SORBS2: variants seen among roughly 807,000 people sequenced by gnomAD.
The protein encoded by SORBS2 is sorbin and SH3 domain-containing protein 2.
In SORBS2, 46 loss-of-function variants were observed where a neutral mutation model predicts 97.7. The ratio of observed to expected loss-of-function variants is 0.47; its 90% CI spans 0.37 to 0.60. The LOEUF is 0.60. SORBS2 is among the 20% of genes least tolerant of loss of function. The pLI, the probability that SORBS2 is intolerant of heterozygous loss-of-function variation, is 0.00. For missense variants in SORBS2, 1,316 were observed against 1,282.3 expected, an observed-to-expected ratio of 1.03 and a Z score of -0.40; for synonymous variants, 476 against 473.4, an observed-to-expected ratio of 1.01 and a Z score of -0.07.
chr4:185,686,686 A>G (rs557311966), intron 2 of SORBS2, among the ~76,000 whole-genome samples: 116 of 152,362 alleles, frequency 7.6e-4, no homozygotes, highest in African/African-American at 2.3e-3. Context: ...ACATCACTCT[A>G]AGAGTGATTT....
exon 15 of SORBS2, chr4:185,585,551 T>C (rs1215967837): frequency 2.0e-5 from 3 of 152,244 alleles, no homozygotes; most frequent in Admixed American, 2.0e-4. Context: ...TTATTAGATG[T>C]CTATTCAAGA....
upstream of SORBS2, chr4:185,657,360 A>G (rs980829352): frequency 2.1e-6 from 3 of 1,415,782 alleles, no homozygotes; most frequent in South Asian, 4.9e-5. Context: ...AAAGCCGTGG[A>G]CAATCCGTCC....
chr4:185,712,970 C>G (rs1355542728), intron 2 of SORBS2, among the ~76,000 whole-genome samples: 1 of 152,188 alleles, frequency 6.6e-6, no homozygotes, highest in Non-Finnish European at 1.5e-5. Context: ...TATGGTTTTT[C>G]TCCCTTCCTC....
chr4:185,771,371 T>C (rs1166936121), intron 2 of SORBS2: 2 of 152,248 alleles, frequency 1.3e-5, no homozygotes, highest in African/African-American at 4.8e-5. Flanking sequence ...ATATGGTTAG[T>C]GAGAGCTTCC....
chr4:185,834,879 C>T (rs1175188966), intron 1 of SORBS2, among the ~76,000 whole-genome samples: 6 of 152,048 alleles, frequency 3.9e-5, no homozygotes, highest in Non-Finnish European at 5.9e-5. Context: ...AACCAAAAAG[C>T]GTTTCTGATA....
At chr4:185,600,049 C>G (rs575785475) in intron 12 of SORBS2, among the ~76,000 whole-genome samples, 1 of 152,344 alleles carries the variant, frequency 6.6e-6, no homozygotes, top group South Asian at 2.1e-4. Flanking sequence ...TCGCTTTTTA[C>G]GTCAGCCTGG....
rs72707658 is a variant in SORBS2, at chr4:185,870,593, G to A, written c.-338+85603C>T. Among the ~76,000 whole-genome samples the A allele has an allele frequency of 9.3e-3, 1,414 of 152,312 alleles. 9 individuals are homozygous for A. Among genetic ancestry groups the A allele is most frequent in the Admixed American group, 0.014 (216 of 15,298 alleles). ...GCTCGTGTCTGAGGTTGGCACGTTG[G>A]ACGGATGCTGCGCTCGTTCCTCAGG... On this transcript the variant is annotated intron_variant, in intron 1 of 20. Transcript: ENST00000284776.
intron 1 of SORBS2, among the ~76,000 whole-genome samples, chr4:185,900,080 G>A (rs2149827275): frequency 6.6e-6 from 1 of 152,204 alleles, no homozygotes; most frequent in Non-Finnish European, 1.5e-5. Flanking sequence ...TCACACCTGT[G>A]AATAGCCACT....
At chr4:185,869,809 ACT>A (rs2099229403) in intron 1 of SORBS2, among the ~76,000 whole-genome samples, 1 of 152,108 alleles carries the variant, frequency 6.6e-6, no homozygotes. Context: ...TTCTGCTTTG[ACT>A]CTGCAGATTT....
intron 2 of SORBS2, among the ~76,000 whole-genome samples, chr4:185,751,372 G>C (rs78078938): frequency 6.6e-6 from 1 of 151,916 alleles, no homozygotes; most frequent in Non-Finnish European, 1.5e-5. Context: ...GAGACAAAGC[G>C]AGATGAGACA....
At chr4:185,900,708 A>G (rs1453686656) in intron 1 of SORBS2, among the ~76,000 whole-genome samples, 12 of 152,208 alleles carry the variant, frequency 7.9e-5, no homozygotes, top group Admixed American at 7.9e-4. Context: ...GTTGGAAGAA[A>G]CTGCCTACAA....
At chr4:185,603,540 C>T (rs1198524827) in intron 12 of SORBS2, among the ~76,000 whole-genome samples, 3 of 152,172 alleles carry the variant, frequency 2.0e-5, no homozygotes, top group African/African-American at 7.2e-5. Context: ...CTTCCTAATA[C>T]AGAACCTTAG....
At chr4:185,771,125 T>G (rs1374854290) in intron 2 of SORBS2, 1 of 150,980 alleles carries the variant, frequency 6.6e-6, no homozygotes, top group East Asian at 1.9e-4. Context: ...GGATTATAGG[T>G]GTGCACCACC....
At chr4:185,767,313 AC>A (rs1261600678) in intron 2 of SORBS2, among the ~76,000 whole-genome samples, 3 of 84,566 alleles carry the variant, frequency 3.5e-5, no homozygotes, top group Non-Finnish European at 5.4e-5. Flanking sequence ...CCTGGCTAAC[AC>A]ACGGTGAAAC....
intron 1 of SORBS2, among the ~76,000 whole-genome samples, chr4:185,903,427 G>A (rs1358790293): frequency 1.3e-5 from 2 of 152,186 alleles, no homozygotes; most frequent in Non-Finnish European, 1.5e-5. Flanking sequence ...CTTGACATGT[G>A]GATACATGAG....
rs115247297 is a variant in SORBS2 at position 185,911,517 on chromosome 4, G to A, written c.-338+44679C>T. On this transcript the variant is annotated intron_variant, in intron 1 of 20. Coordinates refer to the SORBS2 transcript ENST00000284776. ...TGGGATTATAAGCATGAGCCACCACGCCCAGCCTGATTTTCTCCTTGAGTG... is the reference window on the plus strand; with the variant it reads ...TGGGATTATAAGCATGAGCCACCACACCCAGCCTGATTTTCTCCTTGAGTG... Among the ~76,000 whole-genome samples the A allele has an allele frequency of 8.1e-3, 1,232 of 152,122 alleles. 17 individuals carry two copies. The highest frequency in any genetic ancestry group is 0.028 in the African/African-American group (1,158 of 41,528).
rs974685206 is a variant in SORBS2 at position 185,605,867 on chromosome 4, G to A, written c.2796+5913C>T. ...CTGGAAGTGCTGGCGTTGCAGGCTC[G>A]TTTTTTGTTTTAAGAGAGAGGTTTG... is the stretch of plus-strand genomic sequence containing the variant. On this transcript the variant is annotated intron_variant, in intron 12 of 14. Coordinates refer to ENST00000418609, the Ensembl canonical transcript of SORBS2. 5.9e-5 allele frequency among the ~76,000 whole-genome samples: 9 copies of A among 152,158 alleles called. No homozygotes were observed. The East Asian group carries it at 9.6e-4, about 16-fold the overall frequency.
At chr4:185,861,795 G>A (rs932279990) in intron 1 of SORBS2, among the ~76,000 whole-genome samples, 24 of 151,992 alleles carry the variant, frequency 1.6e-4, no homozygotes, top group African/African-American at 5.8e-4. Flanking sequence ...TAACAGAAAT[G>A]GGGTTTTTGG....
At chr4:185,629,560 A>ATTTTTTTTTTTTTTTT (rs201590422) in intron 5 of SORBS2, among the ~76,000 whole-genome samples, 1 of 134,084 alleles carries the variant, frequency 7.5e-6, no homozygotes. Context: ...GAATTTTGTG[A>ATTTTTTTTTTTTTTTT]TTTGTTTTTT....
Sources: allele counts gnomAD v4.1 joint callset (sites outside exome capture counted in the v4.1 genomes callset), GRCh38; gene constraint gnomAD v4.1.1; transcripts MANE v1.5; gene names NCBI Gene and HGNC (gene_info 2026-07-23, HGNC 2026-07-21).